The following CFAP77 variants were observed in gnomAD, a reference collection of about 807,000 sequenced individuals.
CFAP77 encodes the protein cilia and flagella associated protein 77.
CFAP77 carries 25 observed loss-of-function variants against 31.1 expected under a neutral mutation model. The observed-to-expected ratio is 0.80, with a 90% CI of 0.59 to 1.12. CFAP77 has a LOEUF of 1.12. CFAP77 is among the 50% of genes most tolerant of loss of function. The pLI is 0.00. For synonymous variants in CFAP77, 151 were observed against 159.9 expected, an observed-to-expected ratio of 0.94 and a Z score of 0.42; for missense variants, 377 against 397.3, an observed-to-expected ratio of 0.95 and a Z score of 0.44.
rs146366097 is a variant in CFAP77 at position 132,497,719 on chromosome 9, C to T, written c.196-976C>T. On this transcript the variant is annotated intron_variant, in intron 1 of 5. Coordinates refer to ENST00000393216, the MANE Select transcript of CFAP77 (RefSeq NM_001282957.2). The surrounding 1 kb of genome is among the most constrained non-coding windows in gnomAD (Gnocchi z 4.9). Reference sequence around the variant, plus strand: ...TGAGAAACGGGGATGGTAATGAGACCTGCCTCACTGCGCAGCTATGCAGAC... The same window carrying T: ...TGAGAAACGGGGATGGTAATGAGACTTGCCTCACTGCGCAGCTATGCAGAC... 3.3e-5 allele frequency among the ~76,000 whole-genome samples: 5 copies of T among 152,262 alleles called. No homozygotes were observed. The highest frequency in any genetic ancestry group is 9.6e-5 in the African/African-American group (4 of 41,554).
At chr9:132,550,735 T>C (rs1287324693) in intron 5 of CFAP77, among the ~76,000 whole-genome samples, 3 of 152,112 alleles carry the variant, frequency 2.0e-5, no homozygotes, top group Admixed American at 6.5e-5. Context: ...AGGTTCCTTC[T>C]GGTTTCTGAG....
chr9:132,430,039 A>G (rs779842085), intron 1 of CFAP77, among the ~76,000 whole-genome samples: 8 of 152,094 alleles, frequency 5.3e-5, no homozygotes, highest in Non-Finnish European at 1.0e-4. Context: ...TCTCTGGTAC[A>G]TGGGGTCTGC....
At chr9:132,520,817 G>A (rs928350643) in intron 3 of CFAP77, among the ~76,000 whole-genome samples, 2 of 152,132 alleles carry the variant, frequency 1.3e-5, no homozygotes, top group African/African-American at 4.8e-5. Context: ...CCCAGACACT[G>A]GCGCAGGGCC....
intron 5 of CFAP77, among the ~76,000 whole-genome samples, chr9:132,556,828 C>A (rs2119092382): frequency 6.6e-6 from 1 of 152,366 alleles, no homozygotes; most frequent in Non-Finnish European, 1.5e-5. Context: ...TCCTGGCGCG[C>A]TAACGATTCC....
Position 132,517,143 on chromosome 9 carries a change from G to T in CFAP77, c.524+17543G>T, listed in dbSNP as rs1211832033. On this transcript the variant is annotated intron_variant, in intron 3 of 5. Coordinates refer to ENST00000393216, the MANE Select transcript of CFAP77 (RefSeq NM_001282957.2). The surrounding 1 kb of genome is among the most constrained non-coding windows in gnomAD (Gnocchi z 4.7). Reference sequence around the variant, plus strand: ...GGATCGGGTGTCGATTTCGTATCGTGGAGAGAAGCCCAGCCCTCCAGCCTT... The same window carrying T: ...GGATCGGGTGTCGATTTCGTATCGTTGAGAGAAGCCCAGCCCTCCAGCCTT... 1.3e-5 allele frequency among the ~76,000 whole-genome samples: 2 copies of T among 152,110 alleles called. No individual in the cohort carries two copies. The highest frequency in any genetic ancestry group is 4.8e-5 in the African/African-American group (2 of 41,404).
Position 132,481,945 on chromosome 9 carries a change from C to G in CFAP77, c.196-16750C>G, listed in dbSNP as rs1232533265. Among the ~76,000 whole-genome samples, 1 of 97,108 alleles carries G rather than the reference C, an allele frequency of 1.0e-5. No homozygotes were observed. Among genetic ancestry groups the G allele is most frequent in the East Asian group, 3.1e-4 (1 of 3,216 alleles). 63.7% of individuals were successfully genotyped at this position (97,108 alleles called of 152,430 possible). ...GTTTTCATCTGTTCTCAGGAAGGAA[C>G]AAGGGTTTATGGTTGGGGGGGGGGG... On this transcript the variant is annotated intron_variant, in intron 1 of 5. Coordinates refer to ENST00000393216, the MANE Select transcript of CFAP77 (RefSeq NM_001282957.2). This position sits in a 1 kb window ranked among gnomAD's most constrained non-coding sequence, Gnocchi z 5.0.
chr9:132,466,242 A>AT (rs1234627934), intron 1 of CFAP77, among the ~76,000 whole-genome samples: 2 of 152,086 alleles, frequency 1.3e-5, no homozygotes, highest in Non-Finnish European at 2.9e-5. Flanking sequence ...TGACATGAGC[A>AT]TTTTTTTAAA....
chr9:132,530,256 G>A (rs894707268), intron 3 of CFAP77, among the ~76,000 whole-genome samples: 1 of 149,858 alleles, frequency 6.7e-6, no homozygotes, highest in African/African-American at 2.5e-5. Context: ...TGAGCCACCG[G>A]GCTAGGCTTT....
chr9:132,426,907 T>C (rs566228955), intron 1 of CFAP77, among the ~76,000 whole-genome samples: 17 of 152,296 alleles, frequency 1.1e-4, no homozygotes, highest in African/African-American at 4.1e-4. Context: ...GGTTTCTTCC[T>C]CAGGAATAAT....
intron 1 of CFAP77, among the ~76,000 whole-genome samples, chr9:132,489,084 CT>C (rs1851612932): frequency 6.6e-6 from 1 of 152,136 alleles, no homozygotes; most frequent in Admixed American, 6.5e-5. Context: ...CCGTTTGCCT[CT>C]TAATTCCAAC....
rs985099294 is a variant in CFAP77 at position 132,433,425 on chromosome 9, C to T, written c.195+22959C>T. 2.6e-5 allele frequency among the ~76,000 whole-genome samples: 4 copies of T among 152,164 alleles called. No homozygotes were observed. The South Asian group carries it at 8.3e-4, about 32-fold the overall frequency. ...GGTACTCACCTTCTCACCTCTATGA[C>T]AAAGGACAGCACAGATGGCATAAAC... On this transcript the variant is annotated intron_variant, in intron 1 of 5. Transcript: ENST00000393216.
At chr9:132,447,508 C>T (rs1213231970) in intron 1 of CFAP77, among the ~76,000 whole-genome samples, 4 of 152,210 alleles carry the variant, frequency 2.6e-5, no homozygotes, top group African/African-American at 7.2e-5. Flanking sequence ...CCAGCTTGGA[C>T]GTGATCCCTG....
chr9:132,448,067 A>G (rs1009028328), intron 1 of CFAP77, among the ~76,000 whole-genome samples: 4 of 152,162 alleles, frequency 2.6e-5, no homozygotes, highest in Admixed American at 6.5e-5. Flanking sequence ...TTCTCAAGGT[A>G]ATACTGGTCT....
rs1259752594 is a variant in CFAP77 at position 132,499,905 on chromosome 9, C to A, written c.524+305C>A. On this transcript the variant is annotated intron_variant, in intron 3 of 5. Transcript: ENST00000393216. This position sits in a 1 kb window ranked among gnomAD's most constrained non-coding sequence, Gnocchi z 5.4. ...GTGACTCATCTCTGTAATCCTAGCA[C>A]TTTGGGAGGCCCATGTAGGAGGATC... Among the ~76,000 whole-genome samples the A allele has an allele frequency of 6.6e-6, 1 of 152,140 alleles. No individual in the cohort carries two copies. The highest frequency in any genetic ancestry group is 1.5e-5 in the Non-Finnish European group (1 of 68,012).
intron 1 of CFAP77, among the ~76,000 whole-genome samples, chr9:132,489,845 C>G (rs1315039003): frequency 6.6e-6 from 1 of 152,150 alleles, no homozygotes; most frequent in East Asian, 1.9e-4. Flanking sequence ...GGTGGCTGAT[C>G]AGAGCTGAGA....
At chr9:132,530,136 C>CTTTTTTTTTTTTTT (rs750962954) in intron 3 of CFAP77, among the ~76,000 whole-genome samples, 486 of 93,236 alleles carry the variant, frequency 5.2e-3, no homozygotes, top group Middle Eastern at 0.019. Flanking sequence ...TCTTTCTTTT[C>CTTTTTTTTTTTTTT]TTTTTTTTTT....
chr9:132,558,487 C>T (rs1398812139), intron 5 of CFAP77, among the ~76,000 whole-genome samples: 1 of 151,914 alleles, frequency 6.6e-6, no homozygotes, highest in Admixed American at 6.6e-5. Context: ...GGAGGATCAC[C>T]TGAGGTCAGG....
At chr9:132,541,507 T>C (rs529382852) in intron 4 of CFAP77, among the ~76,000 whole-genome samples, 209 of 152,204 alleles carry the variant, frequency 1.4e-3, no homozygotes, top group Non-Finnish European at 2.4e-3. Context: ...GTGAATCACT[T>C]GAGGCCAGGA....
chr9:132,503,467 C>T (rs972469324), intron 3 of CFAP77, among the ~76,000 whole-genome samples: 4 of 152,184 alleles, frequency 2.6e-5, no homozygotes, highest in Non-Finnish European at 5.9e-5. Context: ...CAGCTCTCCA[C>T]GTCACATTCC....
Sources: allele counts gnomAD v4.1 joint callset (sites outside exome capture counted in the v4.1 genomes callset), GRCh38; gene constraint gnomAD v4.1.1; non-coding constraint Gnocchi (gnomAD v3.1); transcripts MANE v1.5; gene names NCBI Gene and HGNC (gene_info 2026-07-23, HGNC 2026-07-21).